MRPL48: variants seen among roughly 807,000 people sequenced by gnomAD.
MRPL48 encodes the protein mitochondrial ribosomal protein L48, also known as large ribosomal subunit protein mL48.
Under a neutral mutation model 32.9 loss-of-function variants are expected in MRPL48, and 16 were observed. That is an observed-to-expected ratio of 0.49 (90% CI 0.33 to 0.74). MRPL48 has a LOEUF of 0.74. Ranked by LOEUF, MRPL48 falls within the 30% of genes least tolerant of loss-of-function variation. The pLI, the probability that MRPL48 is intolerant of heterozygous loss-of-function variation, is 0.02. For missense variants in MRPL48, 206 were observed against 245.3 expected (o/e 0.84, Z 1.07); for synonymous variants, 94 against 89.2 (o/e 1.05, Z -0.31).
chr11:73,821,647 G>A (rs533173031), intron 3 of MRPL48, among the ~76,000 whole-genome samples: 9 of 152,178 alleles, frequency 5.9e-5, no homozygotes, highest in South Asian at 2.1e-4. Flanking sequence ...TGCCCCTCCC[G>A]TGTACAGTGC....
intron 4 of MRPL48, among the ~76,000 whole-genome samples, chr11:73,843,979 T>C (rs1169691111): frequency 6.6e-6 from 1 of 151,890 alleles, no homozygotes; most frequent in Admixed American, 6.6e-5. Flanking sequence ...CTTGGGAGGC[T>C]GCGGCAGGAG....
chr11:73,848,780 A>G (rs1440272306), intron 5 of MRPL48, among the ~76,000 whole-genome samples: 2 of 152,058 alleles, frequency 1.3e-5, no homozygotes, highest in Non-Finnish European at 2.9e-5. Flanking sequence ...TCCTTAAATA[A>G]CATTAAATCC....
At chr11:73,827,055 C>CA (rs1245256244) in intron 4 of MRPL48, among the ~76,000 whole-genome samples, 1 of 151,916 alleles carries the variant, frequency 6.6e-6, no homozygotes, top group African/African-American at 2.4e-5. Flanking sequence ...GGATTACAGG[C>CA]ATGAGCCACC....
At chr11:73,849,434 G>A (rs542117425) in intron 5 of MRPL48, among the ~76,000 whole-genome samples, 15 of 152,294 alleles carry the variant, frequency 9.8e-5, no homozygotes, top group African/African-American at 3.1e-4. Context: ...ACTGCGCCCC[G>A]TGGCAACTTT....
chr11:73,794,840 G>T (rs551487320), intron 1 of MRPL48, among the ~76,000 whole-genome samples: 4 of 150,040 alleles, frequency 2.7e-5, no homozygotes, highest in Admixed American at 2.0e-4. Flanking sequence ...CGCCTCCCGG[G>T]TTCAAGCGAT....
intron 2 of MRPL48, among the ~76,000 whole-genome samples, chr11:73,807,027 G>C (rs968429706): frequency 6.6e-6 from 1 of 152,056 alleles, no homozygotes; most frequent in Non-Finnish European, 1.5e-5. Context: ...CCACCACCAT[G>C]TCTGGCTAAT....
intron 3 of MRPL48, among the ~76,000 whole-genome samples, chr11:73,817,080 C>T (rs1947691719): frequency 6.6e-6 from 1 of 151,984 alleles, no homozygotes; most frequent in South Asian, 2.1e-4. Context: ...GGTTCACCCG[C>T]TTGGGCCTCC....
chr11:73,808,566 C>T lies in MRPL48; in HGVS notation c.112+216C>T, dbSNP rs905959234. On this transcript the variant is annotated intron_variant, in intron 3 of 7. Coordinates refer to ENST00000310614, the MANE Select transcript of MRPL48 (RefSeq NM_016055.6). ...ACAGTAAGTTTGGATTCCAACTGTA[C>T]TACATATTTATTTGATCTTTGGCTA... 1.2e-4 allele frequency among the ~76,000 whole-genome samples: 18 copies of T among 152,150 alleles called. 2 individuals carry two copies. Among genetic ancestry groups the T allele is most frequent in the Admixed American group, 1.1e-3 (17 of 15,274 alleles).
intron 1 of MRPL48, chr11:73,801,970 G>C (rs1265902100): frequency 6.6e-6 from 1 of 152,146 alleles, no homozygotes; most frequent in African/African-American, 2.4e-5. Context: ...CTTGCTCTGA[G>C]GATCTCTTGG....
rs12226309 is a variant in MRPL48 at position 73,812,939 on chromosome 11, C to T, written c.112+4589C>T. Among the ~76,000 whole-genome samples the T allele has an allele frequency of 4.2e-4, 63 of 150,956 alleles. 1 individual carries two copies. In the East Asian group the frequency reaches 0.012, roughly 28 times the overall value. ...TAATTTTTGTATTTATTAGTAGAGA[C>T]AGGGTTTCACCATGTTGGCCAGGCT... is the stretch of plus-strand genomic sequence containing the variant. On this transcript the variant is annotated intron_variant, in intron 3 of 7. Coordinates refer to ENST00000310614, the MANE Select transcript of MRPL48 (RefSeq NM_016055.6).
At chr11:73,813,767 C>G (rs1947609837) in intron 3 of MRPL48, among the ~76,000 whole-genome samples, 1 of 151,988 alleles carries the variant, frequency 6.6e-6, no homozygotes, top group African/African-American at 2.4e-5. Context: ...CATGGCTGGG[C>G]ATGGTGGCTC....
intron 3 of MRPL48, among the ~76,000 whole-genome samples, chr11:73,823,838 A>G (rs1375152629): frequency 1.3e-5 from 2 of 150,478 alleles, no homozygotes; most frequent in Non-Finnish European, 3.0e-5. Flanking sequence ...GTCTACCACA[A>G]TGTATATATA....
chr11:73,789,692 G>A (rs1202597961), intron 1 of MRPL48, among the ~76,000 whole-genome samples: 1 of 152,170 alleles, frequency 6.6e-6, no homozygotes, highest in East Asian at 1.9e-4. Flanking sequence ...GGAATATTTT[G>A]TAAGGAATGA....
intron 1 of MRPL48, among the ~76,000 whole-genome samples, chr11:73,796,377 A>C (rs1947254436): frequency 1.3e-5 from 2 of 152,222 alleles, no homozygotes; most frequent in Admixed American, 6.5e-5. Flanking sequence ...AGCTGGGGCC[A>C]AGCCCAGGTA....
At chr11:73,791,666 G>A (rs951527903) in intron 1 of MRPL48, among the ~76,000 whole-genome samples, 19 of 151,990 alleles carry the variant, frequency 1.3e-4, no homozygotes, top group African/African-American at 4.1e-4. Flanking sequence ...TGATCTGCCC[G>A]CCTCGGCCTC....
chr11:73,791,519 C>A (rs561530853), intron 1 of MRPL48, among the ~76,000 whole-genome samples: 1 of 151,686 alleles, frequency 6.6e-6, no homozygotes, highest in African/African-American at 2.4e-5. Flanking sequence ...TGGGCTCAAG[C>A]GATCCTCTCG....
intron 5 of MRPL48, among the ~76,000 whole-genome samples, chr11:73,848,185 T>C (rs1164979687): frequency 2.0e-5 from 3 of 152,160 alleles, no homozygotes; most frequent in Non-Finnish European, 4.4e-5. Context: ...GTTTTTTTTT[T>C]TGGCATATGA....
intron 3 of MRPL48, among the ~76,000 whole-genome samples, chr11:73,814,993 C>CATAAATAAATAAATAAATAA (rs142219300): frequency 8.0e-5 from 12 of 149,164 alleles, no homozygotes; most frequent in East Asian, 4.0e-4. Flanking sequence ...GACTTGGTCT[C>CATAAATAAATAAATAAATAA]ATAAATAAAT....
intron 3 of MRPL48, among the ~76,000 whole-genome samples, chr11:73,810,572 T>TA (rs1388477812): frequency 7.3e-5 from 11 of 151,248 alleles, no homozygotes; most frequent in African/African-American, 2.4e-4. Flanking sequence ...TTTTTTTTTT[T>TA]ATTGTAATTT....
Sources: gnomAD v4.1 joint callset for allele counts (sites outside exome capture counted in the v4.1 genomes callset) on GRCh38, gnomAD v4.1.1 for gene constraint, MANE v1.5 for transcripts, NCBI Gene and HGNC (gene_info 2026-07-23, HGNC 2026-07-21) for gene names.